The following LRRC39 variants were observed in gnomAD, a reference collection of about 807,000 sequenced individuals.
LRRC39 encodes the protein leucine rich repeat containing 39.
Under a neutral mutation model 39.7 loss-of-function variants are expected in LRRC39, and 35 were observed. The observed-to-expected ratio is 0.88, with a 90% CI of 0.67 to 1.17. LRRC39 has a LOEUF of 1.17. Among genes scored for constraint, LRRC39 ranks in the 50% most tolerant of loss-of-function variants. The pLI is 0.00. For missense variants in LRRC39, 357 were observed against 385.8 expected (o/e 0.93, Z 0.62); for synonymous variants, 113 against 134.1 (o/e 0.84, Z 1.09).
At chr1:100,176,973 T>C (rs1265041564) in intron 1 of LRRC39, among the ~76,000 whole-genome samples, 1 of 151,976 alleles carries the variant, frequency 6.6e-6, no homozygotes, top group Non-Finnish European at 1.5e-5. Flanking sequence ...ATCTTCGAAG[T>C]GGGGAATCAA....
intron 1 of LRRC39, among the ~76,000 whole-genome samples, chr1:100,175,380 A>C (rs1037355539): frequency 4.3e-5 from 6 of 140,508 alleles, no homozygotes; most frequent in South Asian, 2.3e-4. Flanking sequence ...TAGTGACAGG[A>C]TGTCTCCACA....
Position 100,148,746 on chromosome 1 carries a change from C to A in LRRC39, c.*296G>T. The A allele has an allele frequency of 6.3e-7, 1 of 1,577,774 alleles. No homozygotes were observed. The highest frequency in any genetic ancestry group is 8.6e-7 in the Non-Finnish European group (1 of 1,165,706). On this transcript the variant is annotated 3_prime_UTR_variant, in exon 10 of 10. Transcript: ENST00000370137. ...TCCTGCTTTGCAGTACTATACAGAC[C>A]CTCTGGTGTCTTTGGAAAATGTTTT...
chr1:100,167,065 C>T (rs561660181), intron 3 of LRRC39, among the ~76,000 whole-genome samples: 13 of 152,308 alleles, frequency 8.5e-5, no homozygotes, highest in African/African-American at 2.2e-4. Flanking sequence ...CAATCAGTCT[C>T]ATTCCCCTAG....
At chr1:100,169,283 A>G (rs1486818842) in intron 2 of LRRC39, among the ~76,000 whole-genome samples, 1 of 152,114 alleles carries the variant, frequency 6.6e-6, no homozygotes, top group South Asian at 2.1e-4. Flanking sequence ...GACATTCACA[A>G]TCACTTCTAT....
In LRRC39 at chr1:100,151,077, C is replaced by T. The variant is rs1398104503; in HGVS notation, c.952+1308G>A. Among the ~76,000 whole-genome samples the T allele has an allele frequency of 4.4e-5, 6 of 137,110 alleles. No individual in the cohort carries two copies. In the East Asian group the frequency reaches 1.3e-3, roughly 30 times the overall value. 89.9% of individuals were successfully genotyped at this position (137,110 alleles called of 152,430 possible). A position where few individuals can be genotyped will look rare whatever the true frequency, so the allele number is the denominator to read the frequency against. ...GGGAGGCGAAATTTGCCAAGTGAGC[C>T]GAGATTGCACCATTGCACTCTAGCC... On this transcript the variant is annotated intron_variant, in intron 9 of 9. Transcript: ENST00000370137.
chr1:100,149,443 CAAAG>C (rs1332395054), intron 9 of LRRC39: 24 of 1,533,936 alleles, frequency 1.6e-5, no homozygotes, highest in Non-Finnish European at 2.0e-5. Context: ...GAGCTGTTTT[CAAAG>C]AAAAAAGATT....
intron 7 of LRRC39, 115 bp from the exon 8 acceptor site, chr1:100,155,318 C>A: frequency 1.1e-6 from 1 of 947,306 alleles, no homozygotes; most frequent in Non-Finnish European, 1.5e-6. Flanking sequence ...AGGATGGTCT[C>A]AAACTCCTGA....
intron 6 of LRRC39, among the ~76,000 whole-genome samples, chr1:100,157,765 C>A (rs1425496104): frequency 1.3e-5 from 2 of 152,172 alleles, no homozygotes; most frequent in Non-Finnish European, 2.9e-5. Flanking sequence ...TAAATATTTT[C>A]AAAAAGTAAT....
At chr1:100,157,082 T>A (rs1658515892) in intron 6 of LRRC39, among the ~76,000 whole-genome samples, 1 of 152,176 alleles carries the variant, frequency 6.6e-6, no homozygotes, top group East Asian at 1.9e-4. Context: ...AAATAAAATA[T>A]TTATTGGCCC....
chr1:100,167,597 A>C (rs1284673343), intron 3 of LRRC39, among the ~76,000 whole-genome samples: 1 of 152,016 alleles, frequency 6.6e-6, no homozygotes, highest in Non-Finnish European at 1.5e-5. Flanking sequence ...CAACATGGTG[A>C]AACCCTGTCT....
intron 2 of LRRC39, among the ~76,000 whole-genome samples, chr1:100,172,516 G>A (rs143483233): frequency 3.3e-5 from 5 of 151,612 alleles, no homozygotes; most frequent in African/African-American, 7.3e-5. Flanking sequence ...GTGAAACCCC[G>A]TCTCTACTAA....
chr1:100,169,069 A>G (rs553218128), intron 2 of LRRC39, among the ~76,000 whole-genome samples: 8 of 152,062 alleles, frequency 5.3e-5, no homozygotes, highest in Non-Finnish European at 1.2e-4. Flanking sequence ...ATGACGCAGT[A>G]TTAAGGATTT....
chr1:100,149,273 C>T, intron 9 of LRRC39, 176 bp from the exon 10 acceptor site: 3 of 1,520,946 alleles, frequency 2.0e-6, no homozygotes, highest in South Asian at 1.3e-5. Context: ...ACATTTTTCC[C>T]TACAGATCTG....
In LRRC39 at chr1:100,155,138, CTGAT is replaced by C. The variant is rs760355746; in HGVS notation, c.721_724del (p.Ile241AlafsTer3). On this transcript the variant is annotated frameshift_variant, in exon 8 of 10. Transcript: ENST00000370137. LOFTEE classifies it high-confidence loss of function. ...AAGAGTACCCAGATTTTTCATATTG[CTGAT>C]TGTTTGAGGCAAGCATGTTATTTCA... 1 of 1,609,818 alleles carries C rather than the reference CTGAT, an allele frequency of 6.2e-7. No homozygotes were observed. Among genetic ancestry groups the C allele is most frequent in the Non-Finnish European group, 8.5e-7 (1 of 1,178,206 alleles).
rs762378172 is a variant in LRRC39 at position 100,148,583 on chromosome 1, GCAAAATTTTAA to G, written c.*448_*458del. 1.3e-6 allele frequency: 2 copies of G among 1,554,106 alleles called. No homozygotes were observed. On this transcript the variant is annotated 3_prime_UTR_variant, in exon 10 of 10. Transcript: ENST00000370137. ...CAAAAATAATTTTTTATAAACTTTTGCAAAATTTTAACAATGTTTTGTGTGTGTTTATTCAA... is the reference window on the plus strand; with the variant it reads ...CAAAAATAATTTTTTATAAACTTTTGCAATGTTTTGTGTGTGTTTATTCAA...
intron 1 of LRRC39, among the ~76,000 whole-genome samples, chr1:100,173,928 TAAAG>T (rs1417338717): frequency 1.3e-5 from 2 of 152,078 alleles, no homozygotes; most frequent in Non-Finnish European, 2.9e-5. Context: ...AGAGTGAAAT[TAAAG>T]AAGGCCTAAA....
intron 4 of LRRC39, 80 bp from the exon 5 acceptor site, chr1:100,159,495 C>G (rs1470086812): frequency 1.0e-5 from 12 of 1,145,072 alleles, no homozygotes; most frequent in Non-Finnish European, 1.4e-5. Context: ...TGATATTTGA[C>G]TTATACAAGC....
chr1:100,173,969 A>T (rs1302914207), intron 1 of LRRC39, among the ~76,000 whole-genome samples: 3 of 152,238 alleles, frequency 2.0e-5, no homozygotes, highest in Non-Finnish European at 2.9e-5. Flanking sequence ...CATCATATTC[A>T]TTGATAGAAA....
At chr1:100,162,149 T>C (rs1184593439) in intron 3 of LRRC39, among the ~76,000 whole-genome samples, 1 of 152,198 alleles carries the variant, frequency 6.6e-6, no homozygotes, top group African/African-American at 2.4e-5. Context: ...GTGAGTAATC[T>C]ATAGATATTT....
Sources: allele counts gnomAD v4.1 joint callset (sites outside exome capture counted in the v4.1 genomes callset), GRCh38; gene constraint gnomAD v4.1.1; transcripts MANE v1.5; gene names NCBI Gene and HGNC (gene_info 2026-07-23, HGNC 2026-07-21).